ADI1: variants seen among roughly 807,000 people sequenced by gnomAD.
The protein encoded by ADI1 is acireductone dioxygenase 1, also known as acireductone dioxygenase.
In ADI1, 21 loss-of-function variants were observed where a neutral mutation model predicts 18.7. The ratio of observed to expected loss-of-function variants is 1.13; its 90% CI spans 0.80 to 1.62. The LOEUF (loss-of-function observed/expected upper bound fraction) is 1.62. Ranked by LOEUF, ADI1 falls within the 40% of genes most tolerant of loss-of-function variation. ADI1 has a pLI of 0.00. For missense variants in ADI1, 245 were observed against 254.9 expected, an observed-to-expected ratio of 0.96 and a Z score of 0.26; for synonymous variants, 90 against 100.1, an observed-to-expected ratio of 0.90 and a Z score of 0.60.
rs1349845064 is a variant in ADI1 at position 3,500,894 on chromosome 2, A to T, written c.340T>A (p.Trp114Arg). ...CCCTTCTCCATGAAGATCCGGATCC[A>T]CTGGTCCTCCTTGTCCCTCACATCG... ...YFDVRDKEDQ[W>R]IRIFMEKGDM... is the part of the protein sequence containing the mutation. Residue 114 changes from tryptophan (W) to arginine (R), a missense_variant, in exon 3 of 4, where the codon TGG becomes AGG. By Grantham distance (101) the Trp-to-Arg change is moderately radical. Transcript: ENST00000327435. 3 of 1,614,092 alleles carry T rather than the reference A, an allele frequency of 1.9e-6. No homozygotes were observed. Among genetic ancestry groups the T allele is most frequent in the Non-Finnish European group, 2.5e-6 (3 of 1,180,038 alleles).
Position 3,511,593 on chromosome 2 carries a change from T to C in ADI1, c.240+2264A>G, listed in dbSNP as rs150620157. Among the ~76,000 whole-genome samples the C allele has an allele frequency of 6.2e-3, 945 of 152,302 alleles. 14 individuals carry two copies. Among genetic ancestry groups the C allele is most frequent in the African/African-American group, 0.022 (902 of 41,542 alleles). Reference sequence around the variant, plus strand: ...TTACACAGTCTCAGATATTTCTTTATAGCAATGCAAGAACAACCTAATACA... The same window carrying C: ...TTACACAGTCTCAGATATTTCTTTACAGCAATGCAAGAACAACCTAATACA... On this transcript the variant is annotated intron_variant, in intron 2 of 3. Coordinates refer to ENST00000327435, the MANE Select transcript of ADI1 (RefSeq NM_018269.4).
chr2:3,516,959 T>C, intron 1 of ADI1: 1 of 984,286 alleles, frequency 1.0e-6, no homozygotes, highest in Middle Eastern at 5.2e-4. Context: ...ACTTCTGGCT[T>C]CAGGCAATCT....
intron 2 of ADI1, among the ~76,000 whole-genome samples, chr2:3,509,375 T>G (rs1196448073): frequency 6.6e-6 from 1 of 152,190 alleles, no homozygotes; most frequent in African/African-American, 2.4e-5. Context: ...GGAATACCCA[T>G]TCTTCTCAAG....
In ADI1 at chr2:3,519,518, C is replaced by A; in HGVS notation, c.-31G>T. On this transcript the variant is annotated 5_prime_UTR_variant, in exon 1 of 4. Coordinates refer to ENST00000327435, the MANE Select transcript of ADI1 (RefSeq NM_018269.4). ...GCAGTGCGGGTGCCGTGTTCGAACCCAGGGGCCGCGCTCGGAGCCCGTCGG... is the reference window on the plus strand; with the variant it reads ...GCAGTGCGGGTGCCGTGTTCGAACCAAGGGGCCGCGCTCGGAGCCCGTCGG... 1 of 1,257,662 alleles carries A rather than the reference C, an allele frequency of 8.0e-7. No individual in the cohort carries two copies. The highest frequency in any genetic ancestry group is 3.1e-5 in the South Asian group (1 of 31,872). The allele number at this position is 1,257,662 out of a possible 1,614,324, so 77.9% of individuals were successfully genotyped here. A position where few individuals can be genotyped will look rare whatever the true frequency, so the allele number is the denominator to read the frequency against.
intron 2 of ADI1, among the ~76,000 whole-genome samples, chr2:3,506,623 ACTTAATCTATAG>A (rs1667182908): frequency 6.6e-6 from 1 of 152,190 alleles, no homozygotes. Flanking sequence ...ATTTTTCCAA[ACTTAATCTATAG>A]GTTCAGTACA....
At chr2:3,510,305 G>GTAA (rs200151722) in intron 2 of ADI1, among the ~76,000 whole-genome samples, 2 of 151,704 alleles carry the variant, frequency 1.3e-5, no homozygotes, top group African/African-American at 2.4e-5. Flanking sequence ...GCAGAGCAAA[G>GTAA]TAATAATAAT....
chr2:3,499,464 G>A (rs1666946098), intron 3 of ADI1, among the ~76,000 whole-genome samples: 1 of 152,186 alleles, frequency 6.6e-6, no homozygotes, highest in African/African-American at 2.4e-5. Flanking sequence ...CCCACATGTT[G>A]CTGGTGGGCA....
intron 2 of ADI1, among the ~76,000 whole-genome samples, chr2:3,501,938 A>G (rs1450667379): frequency 6.6e-6 from 1 of 152,044 alleles, no homozygotes; most frequent in African/African-American, 2.4e-5. Context: ...TACCCCCTTC[A>G]CCAAGACTGT....
chr2:3,515,289 G>T (rs1031875524), intron 1 of ADI1: 1 of 156,142 alleles, frequency 6.4e-6, no homozygotes, highest in African/African-American at 2.4e-5. Flanking sequence ...ATGCATTTCT[G>T]GGGGGAGGTC....
At chr2:3,517,911 AT>A (rs1171907448) in intron 1 of ADI1, among the ~76,000 whole-genome samples, 8 of 152,242 alleles carry the variant, frequency 5.3e-5, no homozygotes, top group African/African-American at 1.9e-4. Flanking sequence ...GTCTATTAAA[AT>A]AAATCTTATT....
At chr2:3,517,433 A>G (rs935138822) in intron 1 of ADI1, 1 of 152,206 alleles carries the variant, frequency 6.6e-6, no homozygotes, top group Non-Finnish European at 1.5e-5. Flanking sequence ...ATTTGTTGTA[A>G]TTTTGTCTTC....
In ADI1 at chr2:3,514,671, T is replaced by C. The variant is rs1667360964; in HGVS notation, c.121-695A>G. The C allele has an allele frequency of 7.0e-6, 8 of 1,139,980 alleles. No individual in the cohort carries two copies. In the East Asian group the frequency reaches 1.4e-4, roughly 20 times the overall value. 70.6% of individuals were successfully genotyped at this position (1,139,980 alleles called of 1,614,324 possible). ...TATCTCTATTAAGGTTCAGTTTTACTGTTCCTTCCTGACGAAGCACTTCCC... is the reference window on the plus strand; with the variant it reads ...TATCTCTATTAAGGTTCAGTTTTACCGTTCCTTCCTGACGAAGCACTTCCC... On this transcript the variant is annotated intron_variant, in intron 1 of 3. Transcript: ENST00000327435.
chr2:3,518,651 G>A (rs1253555780), intron 1 of ADI1, among the ~76,000 whole-genome samples: 1 of 109,212 alleles, frequency 9.2e-6, no homozygotes, highest in East Asian at 3.0e-4. Context: ...GGGGATCCCC[G>A]ACAGACCGCG....
In ADI1 at chr2:3,502,044, G is replaced by C. The variant is rs201062442; in HGVS notation, c.241-1051C>G. On this transcript the variant is annotated intron_variant, in intron 2 of 3. Transcript: ENST00000327435. ...ACACACACACACACACACACACACA[G>C]AGACAGGGTTTCACTCTGTTGCTCA... Among the ~76,000 whole-genome samples, 16 of 144,734 alleles carry C rather than the reference G, an allele frequency of 1.1e-4. No homozygotes were observed. In the South Asian group the frequency reaches 1.5e-3, roughly 13 times the overall value. 95.0% of individuals were successfully genotyped at this position (144,734 alleles called of 152,430 possible). A position where few individuals can be genotyped will look rare whatever the true frequency, so the allele number is the denominator to read the frequency against.
intron 2 of ADI1, among the ~76,000 whole-genome samples, chr2:3,511,264 G>T (rs532483454): frequency 1.3e-5 from 2 of 152,144 alleles, no homozygotes; most frequent in Non-Finnish European, 2.9e-5. Context: ...GGCCTCTCTA[G>T]AAGCAGATGG....
intron 1 of ADI1, 108 bp downstream of exon 1, chr2:3,519,260 A>G (rs981324567): frequency 1.2e-5 from 15 of 1,298,502 alleles, no homozygotes; most frequent in Non-Finnish European, 1.5e-5. Context: ...CATGCGCAGC[A>G]TGCCGCGGCT....
chr2:3,503,634 G>A (rs910878198), intron 2 of ADI1, among the ~76,000 whole-genome samples: 2 of 152,162 alleles, frequency 1.3e-5, no homozygotes, highest in South Asian at 4.1e-4. Context: ...ACTCCCATCC[G>A]AGTTTCTAAG....
intron 3 of ADI1, among the ~76,000 whole-genome samples, chr2:3,499,963 G>GC (rs1666955267): frequency 1.3e-5 from 2 of 151,952 alleles, no homozygotes; most frequent in African/African-American, 4.8e-5. Context: ...TACTCAGGAG[G>GC]CTGAGGCAGG....
rs1400188303 is a variant in ADI1, at chr2:3,519,493, G to A, written c.-6C>T. 3.1e-6 allele frequency: 4 copies of A among 1,287,876 alleles called. No homozygotes were observed. Among genetic ancestry groups the A allele is most frequent in the Middle Eastern group, 2.3e-4 (1 of 4,414 alleles). 79.8% of individuals were successfully genotyped at this position (1,287,876 alleles called of 1,614,324 possible). The stretch of plus-strand genomic sequence containing the variant: ...ATATACCAGGCCTGCACCATGACGC[G>A]CAGTGCGGGTGCCGTGTTCGAACCC... On this transcript the variant is annotated 5_prime_UTR_variant, in exon 1 of 4. Coordinates refer to ENST00000327435, the MANE Select transcript of ADI1 (RefSeq NM_018269.4).
Sources: gnomAD v4.1 joint callset for allele counts (sites outside exome capture counted in the v4.1 genomes callset) on GRCh38, gnomAD v4.1.1 for gene constraint, MANE v1.5 for transcripts, NCBI Gene and HGNC (gene_info 2026-07-23, HGNC 2026-07-21) for gene names.